LRRC4C: variants seen among roughly 807,000 people sequenced by gnomAD.
LRRC4C encodes leucine-rich repeat-containing protein 4C.
Under a neutral mutation model 33.6 loss-of-function variants are expected in LRRC4C, and 5 were observed. That is an observed-to-expected ratio of 0.15 (90% confidence interval 0.08 to 0.31). The LOEUF is 0.31. Ranked by LOEUF, LRRC4C falls within the 10% of genes least tolerant of loss-of-function variation. The pLI is 1.00. For missense variants in LRRC4C, 560 were observed against 796.7 expected (o/e 0.70, Z 3.58); for synonymous variants, 329 against 302.0 (o/e 1.09, Z -0.93).
chr11:40,280,748 C>G (rs1031530342), intron 4 of LRRC4C, among the ~76,000 whole-genome samples: 1 of 152,142 alleles, frequency 6.6e-6, no homozygotes, highest in African/African-American at 2.4e-5. Flanking sequence ...TGGAGCGATT[C>G]AATTAACATA....
chr11:40,978,884 G>A (rs1049450754), intron 1 of LRRC4C, among the ~76,000 whole-genome samples: 1 of 151,690 alleles, frequency 6.6e-6, no homozygotes, highest in Non-Finnish European at 1.5e-5. Context: ...CGCCCACCTC[G>A]GCCTCCCAAA....
Position 41,069,658 on chromosome 11 carries a change from C to T in LRRC4C, c.-495-135935G>A, listed in dbSNP as rs536219321. 1.1e-4 allele frequency among the ~76,000 whole-genome samples: 16 copies of T among 152,202 alleles called. No homozygotes were observed. In the East Asian group the frequency reaches 2.7e-3, roughly 26 times the overall value. ...AGAGAGCCAAATCATGAATGAACCC[C>T]CATTCACAATTGCTACAAAGAAAAT... On this transcript the variant is annotated intron_variant, in intron 1 of 6. Coordinates refer to ENST00000528697, the MANE Select transcript of LRRC4C (RefSeq NM_001258419.2).
At chr11:40,705,061 T>C (rs1391674729) in intron 2 of LRRC4C, among the ~76,000 whole-genome samples, 1 of 152,130 alleles carries the variant, frequency 6.6e-6, no homozygotes, top group African/African-American at 2.4e-5. Context: ...CATTATGTGA[T>C]TTAATCCTCA....
chr11:40,175,432 C>T (rs1271706407), intron 5 of LRRC4C, among the ~76,000 whole-genome samples: 2 of 152,200 alleles, frequency 1.3e-5, no homozygotes, highest in Admixed American at 1.3e-4. Flanking sequence ...AATTCTTCTA[C>T]TCAAACAAAA....
intron 6 of LRRC4C, among the ~76,000 whole-genome samples, chr11:40,126,286 A>G (rs10501220): frequency 0.084 from 12,784 of 152,090 alleles, 622 homozygotes; most frequent in African/African-American, 0.09. Context: ...AGGACGTCTC[A>G]CCTAATGATA....
chr11:40,529,789 C>G (rs889208851), intron 3 of LRRC4C, among the ~76,000 whole-genome samples: 35 of 152,054 alleles, frequency 2.3e-4, no homozygotes, highest in Admixed American at 2.3e-3. Flanking sequence ...TCTAGTAACT[C>G]TATGTTGATC....
At chr11:41,436,989 T>C (rs888350156) in intron 1 of LRRC4C, among the ~76,000 whole-genome samples, 5 of 152,196 alleles carry the variant, frequency 3.3e-5, no homozygotes, top group South Asian at 2.1e-4. Context: ...GAAAAAACCA[T>C]GTGACCTGCA....
intron 1 of LRRC4C, among the ~76,000 whole-genome samples, chr11:41,376,273 G>T (rs1952933805): frequency 6.6e-6 from 1 of 152,046 alleles, no homozygotes; most frequent in African/African-American, 2.4e-5. Context: ...ATGCCACTTT[G>T]CCAGCCTTGC....
intron 3 of LRRC4C, among the ~76,000 whole-genome samples, chr11:40,444,209 A>C (rs1256766176): frequency 6.6e-6 from 1 of 152,190 alleles, no homozygotes; most frequent in East Asian, 1.9e-4. Context: ...ACTGAGGATC[A>C]GAGGGCTTAT....
At chr11:41,263,948 T>C (rs1386209755) in intron 1 of LRRC4C, among the ~76,000 whole-genome samples, 1 of 152,120 alleles carries the variant, frequency 6.6e-6, no homozygotes, top group Non-Finnish European at 1.5e-5. Context: ...GCCAGAAAGA[T>C]GTGAATCACA....
In LRRC4C at chr11:40,115,581, A is replaced by G; in HGVS notation, c.712T>C (p.Ser238Pro). Residue 238 changes from serine to proline, a missense_variant, in exon 7 of 7, where the codon TCT becomes CCT. Physicochemically the swap from Ser to Pro is moderately conservative, Grantham distance 74 (BLOSUM62 -1). Transcript: ENST00000528697. This position sits in a 1 kb window ranked among gnomAD's most constrained non-coding sequence, Gnocchi z 6.7. ...GNHLSAIRPG[S>P]FQGLMHLQKL... ...TGAAGGTGCATCAAACCCTGGAAAGAGCCAGGCCTGATGGCAGATAAATGA... is the reference window on the plus strand; with the variant it reads ...TGAAGGTGCATCAAACCCTGGAAAGGGCCAGGCCTGATGGCAGATAAATGA... The G allele has an allele frequency of 6.2e-7, 1 of 1,614,200 alleles. No homozygotes were observed. The highest frequency in any genetic ancestry group is 1.1e-5 in the South Asian group (1 of 91,090).
At chr11:40,771,925 C>T (rs986910576) in intron 2 of LRRC4C, among the ~76,000 whole-genome samples, 3 of 152,140 alleles carry the variant, frequency 2.0e-5, no homozygotes, top group Non-Finnish European at 4.4e-5. Context: ...AAGGGAGTTC[C>T]AAACTTTCCC....
chr11:41,053,734 T>C (rs987436464), intron 1 of LRRC4C, among the ~76,000 whole-genome samples: 1 of 152,210 alleles, frequency 6.6e-6, no homozygotes, highest in African/African-American at 2.4e-5. Flanking sequence ...ATAGAACTCA[T>C]GTTGAAGTAA....
intron 1 of LRRC4C, among the ~76,000 whole-genome samples, chr11:41,023,505 GA>G (rs1456575057): frequency 1.3e-5 from 2 of 151,736 alleles, no homozygotes; most frequent in Admixed American, 1.3e-4. Context: ...ACATATGCTG[GA>G]AAAAAATATC....
chr11:41,391,931 A>G (rs1434015757), intron 1 of LRRC4C, among the ~76,000 whole-genome samples: 1 of 151,942 alleles, frequency 6.6e-6, no homozygotes, highest in Non-Finnish European at 1.5e-5. Context: ...TTATCATAGG[A>G]GAAGCAGGCA....
chr11:40,145,321 T>A (rs940331821), intron 5 of LRRC4C, among the ~76,000 whole-genome samples: 1 of 152,154 alleles, frequency 6.6e-6, no homozygotes, highest in African/African-American at 2.4e-5. Flanking sequence ...TTCAAAACAA[T>A]AGTTTCCAAA....
chr11:40,785,416 C>T lies in LRRC4C; in HGVS notation c.-406-137138G>A, dbSNP rs548163076. On this transcript the variant is annotated intron_variant, in intron 2 of 6. Coordinates refer to ENST00000528697, the MANE Select transcript of LRRC4C (RefSeq NM_001258419.2). ...ATTCTTACTTTAAGTGAAGTGATGT[C>T]ACTAAAGGGTATTATTAGAGGCACT... 5.3e-5 allele frequency among the ~76,000 whole-genome samples: 8 copies of T among 152,270 alleles called. No homozygotes were observed. In the East Asian group the frequency reaches 9.6e-4, roughly 18 times the overall value.
chr11:41,168,803 C>T (rs376039293), intron 1 of LRRC4C, among the ~76,000 whole-genome samples: 1 of 152,152 alleles, frequency 6.6e-6, no homozygotes, highest in African/African-American at 2.4e-5. Context: ...GTTGCCTACA[C>T]CAGGCAATCT....
intron 2 of LRRC4C, among the ~76,000 whole-genome samples, chr11:40,795,194 T>C (rs1950775770): frequency 6.6e-6 from 1 of 152,102 alleles, no homozygotes; most frequent in Non-Finnish European, 1.5e-5. Flanking sequence ...TTGCCAGACA[T>C]AGAATCTTTA....
Sources: allele counts gnomAD v4.1 joint callset (sites outside exome capture counted in the v4.1 genomes callset), GRCh38; gene constraint gnomAD v4.1.1; non-coding constraint Gnocchi (gnomAD v3.1); transcripts MANE v1.5; gene names NCBI Gene and HGNC (gene_info 2026-07-23, HGNC 2026-07-21).